The following RYR3 variants were observed in gnomAD, a reference collection of about 807,000 sequenced individuals.
RYR3 encodes brain ryanodine receptor-calcium release channel.
In RYR3, 207 loss-of-function variants were observed where a neutral mutation model predicts 584.3. The observed-to-expected ratio is 0.35, with a 90% CI of 0.32 to 0.40. The LOEUF is 0.40. Ranked by LOEUF, RYR3 falls within the 10% of genes least tolerant of loss-of-function variation. The pLI is 1.00. For missense variants in RYR3, 5,616 were observed against 6,089.2 expected (o/e 0.92, Z 2.59); for synonymous variants, 2,416 against 2,248.5 (o/e 1.07, Z -2.11).
chr15:33,740,361 A>G (rs902724992), intron 51 of RYR3, among the ~76,000 whole-genome samples: 5 of 152,196 alleles, frequency 3.3e-5, no homozygotes, highest in African/African-American at 1.2e-4. Context: ...TATGGTTCTA[A>G]TAGCATCATA....
intron 1 of RYR3, among the ~76,000 whole-genome samples, chr15:33,414,085 T>G (rs989370778): frequency 6.6e-6 from 1 of 152,240 alleles, no homozygotes; most frequent in African/African-American, 2.4e-5. Flanking sequence ...ACTTGTTATA[T>G]ATTCGTACCT....
intron 27 of RYR3, among the ~76,000 whole-genome samples, chr15:33,641,412 T>C (rs564593693): frequency 2.0e-5 from 3 of 152,354 alleles, no homozygotes; most frequent in South Asian, 2.1e-4. Flanking sequence ...ATATTTGCTA[T>C]TGTGGTTTAT....
At chr15:33,340,859 T>A (rs1171184719) in intron 1 of RYR3, among the ~76,000 whole-genome samples, 1 of 152,140 alleles carries the variant, frequency 6.6e-6, no homozygotes, top group Admixed American at 6.5e-5. Context: ...ATACCCTAGA[T>A]GTATAGTCTT....
chr15:33,699,817 T>C lies in RYR3; in HGVS notation c.6363T>C (p.Asn2121=), dbSNP rs757574438. 4 of 1,613,736 alleles carry C rather than the reference T, an allele frequency of 2.5e-6. No individual in the cohort carries two copies. In the South Asian group the frequency reaches 4.4e-5, roughly 18 times the overall value. ...AGCATCTGAGTTATCTTCTGGAGAATAGCAGTGTTGGCCTAGGTGCGTAAG... is the reference window on the plus strand; with the variant it reads ...AGCATCTGAGTTATCTTCTGGAGAACAGCAGTGTTGGCCTAGGTGCGTAAG... ...MFEHLSYLLE[N]SSVGLASPSM... The change falls in exon 41 of 104, where the codon AAT becomes AAC. Residue 2121 remains asparagine (N), a synonymous_variant. Coordinates refer to ENST00000634891, the MANE Select transcript of RYR3 (RefSeq NM_001036.6).
chr15:33,730,902 A>C (rs1263289541), intron 47 of RYR3, among the ~76,000 whole-genome samples: 2 of 152,226 alleles, frequency 1.3e-5, no homozygotes, highest in East Asian at 3.8e-4. Context: ...CTCTAATGTC[A>C]GTATTGATTG....
chr15:33,628,423 A>G, intron 20 of RYR3, 48 bp from the exon 21 acceptor site: 1 of 1,353,498 alleles, frequency 7.4e-7, no homozygotes, highest in East Asian at 2.3e-5. Context: ...AGATTTTATG[A>G]TAGGTTTCAA....
At chr15:33,361,599 C>T (rs1423062331) in intron 1 of RYR3, among the ~76,000 whole-genome samples, 3 of 152,286 alleles carry the variant, frequency 2.0e-5, no homozygotes, top group Admixed American at 1.3e-4. Flanking sequence ...GGCAGCATCA[C>T]GAGTGTAAAA....
rs556465480 is a variant in RYR3 at position 33,839,842 on chromosome 15, T to C, written c.12978+884T>C. The stretch of plus-strand genomic sequence containing the variant: ...GTTCGAAGATTCAGGGAAGAAAACA[T>C]CAGAATCAGCATTCCCACAATATTC... On this transcript the variant is annotated intron_variant, in intron 89 of 103. Transcript: ENST00000634891. 8 of 152,242 alleles carry C rather than the reference T, an allele frequency of 5.3e-5. No individual in the cohort carries two copies. In the South Asian group the frequency reaches 1.7e-3, roughly 32 times the overall value. 9.4% of individuals were successfully genotyped at this position (152,242 alleles called of 1,614,324 possible). A position where few individuals can be genotyped will look rare whatever the true frequency, so the allele number is the denominator to read the frequency against.
intron 1 of RYR3, among the ~76,000 whole-genome samples, chr15:33,331,489 T>A (rs1970374948): frequency 6.6e-6 from 1 of 152,144 alleles, no homozygotes; most frequent in Non-Finnish European, 1.5e-5. Context: ...AAATAGACTC[T>A]TAGTTTTTCT....
intron 12 of RYR3, among the ~76,000 whole-genome samples, chr15:33,573,526 G>C (rs1055717821): frequency 6.6e-6 from 1 of 152,190 alleles, no homozygotes; most frequent in Non-Finnish European, 1.5e-5. Context: ...CAGTGTGATC[G>C]ATTAAGGAGT....
Position 33,393,137 on chromosome 15 carries a change from G to A in RYR3, c.52-80282G>A, listed in dbSNP as rs540697296. 2.3e-4 allele frequency among the ~76,000 whole-genome samples: 35 copies of A among 152,302 alleles called. 1 individual carries two copies. The highest frequency in any genetic ancestry group is 8.2e-4 in the African/African-American group (34 of 41,570). ...TGCCAACAGCATTTGTCTTTGACTC[G>A]GTTTTTGTGTAACTGCTTAAACATT... is the stretch of plus-strand genomic sequence containing the variant. On this transcript the variant is annotated intron_variant, in intron 1 of 103. Transcript: ENST00000634891.
At chr15:33,772,430 C>T (rs1237314305) in intron 63 of RYR3, among the ~76,000 whole-genome samples, 1 of 152,164 alleles carries the variant, frequency 6.6e-6, no homozygotes, top group East Asian at 1.9e-4. Context: ...TAGCTCTCAG[C>T]TATTGTACTC....
At chr15:33,374,436 G>A (rs1000804228) in intron 1 of RYR3, among the ~76,000 whole-genome samples, 22 of 150,366 alleles carry the variant, frequency 1.5e-4, no homozygotes, top group African/African-American at 4.2e-4. Context: ...ACACCCACAC[G>A]CATAGATGTA....
chr15:33,341,954 A>G (rs999997400), intron 1 of RYR3, among the ~76,000 whole-genome samples: 1 of 152,228 alleles, frequency 6.6e-6, no homozygotes, highest in Non-Finnish European at 1.5e-5. Flanking sequence ...GCAAAGCCAC[A>G]AAGCAAATTA....
intron 69 of RYR3, among the ~76,000 whole-genome samples, chr15:33,804,467 T>A (rs1363145358): frequency 1.3e-5 from 2 of 152,212 alleles, no homozygotes; most frequent in Non-Finnish European, 2.9e-5. Context: ...ACTTAACTCC[T>A]CTGGGTCCCA....
intron 2 of RYR3, among the ~76,000 whole-genome samples, chr15:33,487,288 G>C (rs1458565225): frequency 6.6e-6 from 1 of 152,026 alleles, no homozygotes. Context: ...AAAAGGCTGA[G>C]TTAGGTGAAT....
At chr15:33,371,366 GA>G (rs1421605303) in intron 1 of RYR3, among the ~76,000 whole-genome samples, 1 of 152,156 alleles carries the variant, frequency 6.6e-6, no homozygotes, top group African/African-American at 2.4e-5. Flanking sequence ...GCTCCTGCAG[GA>G]GGGAAAAAGA....
intron 67 of RYR3, among the ~76,000 whole-genome samples, chr15:33,792,097 C>A (rs557202531): frequency 6.6e-6 from 1 of 152,252 alleles, no homozygotes; most frequent in South Asian, 2.1e-4. Context: ...ATATTGAAGT[C>A]ACTGAGAATG....
At chr15:33,555,784 T>C (rs2057028906) in intron 10 of RYR3, among the ~76,000 whole-genome samples, 1 of 152,188 alleles carries the variant, frequency 6.6e-6, no homozygotes, top group Admixed American at 6.5e-5. Context: ...GTACAGTGAC[T>C]TCTGCTGAAG....
Sources: allele counts gnomAD v4.1 joint callset (sites outside exome capture counted in the v4.1 genomes callset), GRCh38; gene constraint gnomAD v4.1.1; transcripts MANE v1.5; gene names NCBI Gene and HGNC (gene_info 2026-07-23, HGNC 2026-07-21).